Variants in CCAR1 observed in about 807,000 individuals in gnomAD.
CCAR1 encodes the protein cell division cycle and apoptosis regulator 1.
CCAR1 carries 78 observed loss-of-function variants against 163.8 expected under a neutral mutation model. That is an observed-to-expected ratio of 0.48 (90% confidence interval 0.40 to 0.57). The LOEUF is 0.57. CCAR1 is among the 20% of genes least tolerant of loss of function. The probability of loss-of-function intolerance (pLI) is 0.00; values close to 1 mark genes in which losing one functional copy is unlikely to be tolerated. For missense variants in CCAR1, 1,019 were observed against 1,365.2 expected (o/e 0.75, Z 4.00); for synonymous variants, 443 against 460.7 (o/e 0.96, Z 0.49).
intron 17 of CCAR1, among the ~76,000 whole-genome samples, chr10:68,766,607 A>C (rs1340747862): frequency 1.3e-5 from 2 of 150,500 alleles, no homozygotes; most frequent in Non-Finnish European, 3.0e-5. Context: ...GCTCACTGCA[A>C]CCTCCGCCTC....
intron 2 of CCAR1, among the ~76,000 whole-genome samples, chr10:68,731,591 GTTTTTTTTTTTT>G (rs67032408): frequency 2.6e-5 from 2 of 75,624 alleles, no homozygotes; most frequent in Non-Finnish European, 4.8e-5. Flanking sequence ...TCTTGTTTCT[GTTTTTTTTTTTT>G]TTTTTTTTTT....
intron 19 of CCAR1, among the ~76,000 whole-genome samples, 164 bp downstream of exon 19, chr10:68,773,263 T>G (rs1488927944): frequency 6.6e-6 from 1 of 152,154 alleles, no homozygotes. Flanking sequence ...GGTGAGAAGA[T>G]TGTTTGAAGA....
Position 68,791,387 on chromosome 10 carries a change from A to G in CCAR1, c.*121A>G, listed in dbSNP as rs2056850456. 3.5e-6 allele frequency: 2 copies of G among 570,834 alleles called. No homozygotes were observed. The highest frequency in any genetic ancestry group is 3.9e-5 in the African/African-American group (2 of 51,056). The allele number at this position is 570,834 out of a possible 1,614,324, so 35.4% of individuals were successfully genotyped here. ...GTAGTATAAATGTATTTTAGTTCAA[A>G]TGATGTATAAAGTTTTATGAATGTG... On this transcript the variant is annotated 3_prime_UTR_variant, in exon 25 of 25. Transcript: ENST00000265872.
Position 68,749,675 on chromosome 10 carries a change from TC to T in CCAR1, c.1109del (p.Ser370PhefsTer2). ...TTACACAGTTCAGTTTTCAAAGTTT[TC>T]TTTAGATTGGTAGGTTATTCCCCAC... is the stretch of plus-strand genomic sequence containing the variant. ...PRYTVQFSKF[S>X]LDCPSCDMME... On this transcript the variant is annotated frameshift_variant, in exon 10 of 25. Coordinates refer to ENST00000265872, the MANE Select transcript of CCAR1 (RefSeq NM_018237.4). 6.2e-7 allele frequency: 1 copy of T among 1,605,524 alleles called. No homozygotes were observed. Among genetic ancestry groups the T allele is most frequent in the Non-Finnish European group, 8.5e-7 (1 of 1,173,576 alleles).
chr10:68,725,683 TCTCTTA>T (rs1365271024), intron 2 of CCAR1, among the ~76,000 whole-genome samples: 5 of 152,212 alleles, frequency 3.3e-5, no homozygotes, highest in Non-Finnish European at 4.4e-5. Flanking sequence ...TTATTTTATA[TCTCTTA>T]CTCTTTGCTG....
intron 2 of CCAR1, among the ~76,000 whole-genome samples, chr10:68,733,258 A>C (rs2056064815): frequency 1.3e-5 from 2 of 151,326 alleles, no homozygotes; most frequent in African/African-American, 4.9e-5. Context: ...GAAACTATCA[A>C]AAATTAGTCA....
intron 10 of CCAR1, among the ~76,000 whole-genome samples, chr10:68,753,048 A>G (rs1257350091): frequency 7.2e-6 from 1 of 138,396 alleles, no homozygotes; most frequent in Non-Finnish European, 1.6e-5. Flanking sequence ...ACTTCAAATA[A>G]AGACATCTCT....
chr10:68,721,552 T>TC, intron 1 of CCAR1: 1 of 448,732 alleles, frequency 2.2e-6, no homozygotes, highest in Non-Finnish European at 4.5e-6. Flanking sequence ...GACGCTGCAG[T>TC]CCGCCGCCCC....
intron 2 of CCAR1, among the ~76,000 whole-genome samples, chr10:68,728,459 CCTA>C (rs1291956535): frequency 6.6e-6 from 1 of 151,976 alleles, no homozygotes; most frequent in African/African-American, 2.4e-5. Context: ...GATCACTCAG[CCTA>C]TGAATGGTGT....
At chr10:68,758,669 ATACACACGTGTATATATATATT>A in intron 15 of CCAR1, among the ~76,000 whole-genome samples, 1 of 9,858 alleles carries the variant, frequency 1.0e-4, no homozygotes, top group Non-Finnish European at 3.9e-4. Flanking sequence ...ATATGTATAT[ATACACACGTGTATATATATATT>A]TTTTTTTTTG....
At chr10:68,734,657 C>T (rs1383823055) in intron 2 of CCAR1, among the ~76,000 whole-genome samples, 6 of 152,090 alleles carry the variant, frequency 3.9e-5, no homozygotes, top group Non-Finnish European at 4.4e-5. Context: ...AACTGAATTA[C>T]TTAACGCAGT....
chr10:68,750,138 T>C (rs2056312004), intron 10 of CCAR1, among the ~76,000 whole-genome samples: 1 of 152,162 alleles, frequency 6.6e-6, no homozygotes, highest in Non-Finnish European at 1.5e-5. Context: ...TATGTGTATG[T>C]ATATACATAA....
chr10:68,773,993 A>G (rs930859169), intron 19 of CCAR1, among the ~76,000 whole-genome samples: 1 of 151,704 alleles, frequency 6.6e-6, no homozygotes, highest in Non-Finnish European at 1.5e-5. Flanking sequence ...CCCGGGTTCA[A>G]GCGATTCTCC....
intron 15 of CCAR1, among the ~76,000 whole-genome samples, chr10:68,760,382 G>T (rs61584926): frequency 0.013 from 2,007 of 152,112 alleles, 47 homozygotes; most frequent in African/African-American, 0.045. Flanking sequence ...GTTTTGTGGG[G>T]TTTTTTCCCC....
chr10:68,742,312 T>C, intron 5 of CCAR1, 64 bp from the exon 6 acceptor site: 1 of 1,327,240 alleles, frequency 7.5e-7, no homozygotes, highest in Non-Finnish European at 1.0e-6. Context: ...TTTTAAGTAG[T>C]CATATTCAGT....
intron 16 of CCAR1, among the ~76,000 whole-genome samples, chr10:68,762,281 A>G (rs2056482271): frequency 1.3e-5 from 2 of 151,814 alleles, no homozygotes; most frequent in African/African-American, 4.8e-5. Flanking sequence ...GTGAGCCCAG[A>G]TTGCGCCACT....
At chr10:68,787,260 C>CT (rs766822113) in intron 21 of CCAR1, among the ~76,000 whole-genome samples, 31 of 145,332 alleles carry the variant, frequency 2.1e-4, no homozygotes, top group African/African-American at 2.5e-4. Context: ...TTTTGACTGG[C>CT]TTTTTTTTTT....
At chr10:68,760,069 C>T (rs924420942) in intron 15 of CCAR1, among the ~76,000 whole-genome samples, 16 of 152,090 alleles carry the variant, frequency 1.1e-4, no homozygotes, top group Non-Finnish European at 2.1e-4. Flanking sequence ...TGGCCTCAAG[C>T]GATCCTTCCA....
chr10:68,774,188 G>A (rs1467115280), intron 19 of CCAR1, among the ~76,000 whole-genome samples: 6 of 151,380 alleles, frequency 4.0e-5, no homozygotes, highest in Admixed American at 6.6e-5. Context: ...CACTGTGCCC[G>A]GCCTAATTTT....
Sources: allele counts gnomAD v4.1 joint callset (sites outside exome capture counted in the v4.1 genomes callset), GRCh38; gene constraint gnomAD v4.1.1; transcripts MANE v1.5; gene names NCBI Gene and HGNC (gene_info 2026-07-23, HGNC 2026-07-21).